SORCS2: variants seen among roughly 807,000 people sequenced by gnomAD.
SORCS2 encodes the protein VPS10 domain-containing receptor SorCS2.
In SORCS2, 100 loss-of-function variants were observed where a neutral mutation model predicts 141.6. That is an observed-to-expected ratio of 0.71 (90% confidence interval 0.60 to 0.83). The LOEUF (loss-of-function observed/expected upper bound fraction) is 0.83, where lower values mean the gene tolerates loss of function less well. Among genes scored for constraint, SORCS2 ranks in the 40% least tolerant of loss-of-function variants. SORCS2 has a pLI of 0.00. For missense variants in SORCS2, 1,646 were observed against 1,560.2 expected (o/e 1.05, Z -0.93); for synonymous variants, 789 against 676.9 (o/e 1.17, Z -2.57).
chr4:7,392,749 C>T (rs946814907), intron 1 of SORCS2, among the ~76,000 whole-genome samples: 1 of 151,906 alleles, frequency 6.6e-6, no homozygotes, highest in African/African-American at 2.4e-5. Context: ...GGGGGGAGGG[C>T]AGCAATGAAG....
At position 7,723,860 on chromosome 4, in the gene SORCS2, C is replaced by T. The variant is rs370833021; in HGVS notation, c.2588C>T (p.Ala863Val). Residue 863 changes from alanine (A) to valine (V), a missense_variant, in exon 19 of 27, where the codon GCG becomes GTG. Coordinates refer to ENST00000507866, the MANE Select transcript of SORCS2 (RefSeq NM_020777.3). The stretch of plus-strand genomic sequence containing the variant: ...GAGAACACGGCAGGCCACGATGAGG[C>T]GGTGCTCTTTGTCCAGGTCAACTGT... ...RAENTAGHDEAVLFVQVNSPL... is the reference protein window; with the variant it reads ...RAENTAGHDEVVLFVQVNSPL... The T allele has an allele frequency of 2.4e-5, 38 of 1,609,438 alleles. No homozygotes were observed. Among genetic ancestry groups the T allele is most frequent in the East Asian group, 6.7e-5 (3 of 44,886 alleles).
intron 2 of SORCS2, among the ~76,000 whole-genome samples, chr4:7,403,974 TATATATATATATATATATATATA>T (rs1336005647): frequency 2.0e-4 from 1 of 5,016 alleles, no homozygotes; most frequent in Non-Finnish European, 8.2e-4. Context: ...TATATATATA[TATATATATATATATATATATATA>T]TTTTTTTTTT....
chr4:7,686,927 C>G (rs1723916246), intron 10 of SORCS2, among the ~76,000 whole-genome samples: 1 of 152,246 alleles, frequency 6.6e-6, no homozygotes, highest in Non-Finnish European at 1.5e-5. Flanking sequence ...CTGGCCACCC[C>G]ACAGGGAACC....
At chr4:7,414,489 T>G (rs1725533691) in intron 2 of SORCS2, among the ~76,000 whole-genome samples, 1 of 152,258 alleles carries the variant, frequency 6.6e-6, no homozygotes, top group East Asian at 1.9e-4. Flanking sequence ...CACCACACTT[T>G]GAGATGAATT....
At chr4:7,290,896 C>CTGGG (rs202125103) in intron 1 of SORCS2, among the ~76,000 whole-genome samples, 3,034 of 152,264 alleles carry the variant, frequency 0.02, 76 homozygotes, top group Admixed American at 0.075. Context: ...GACATAGTCC[C>CTGGG]TGGCTGGCTG....
chr4:7,639,666 A>G (rs1720514959), intron 4 of SORCS2, among the ~76,000 whole-genome samples: 1 of 143,492 alleles, frequency 7.0e-6, no homozygotes, highest in South Asian at 2.2e-4. Context: ...AGTGTGTGCA[A>G]ATGTGTGTGA....
At chr4:7,470,648 G>T (rs953559022) in intron 2 of SORCS2, among the ~76,000 whole-genome samples, 1 of 150,598 alleles carries the variant, frequency 6.6e-6, no homozygotes, top group Non-Finnish European at 1.5e-5. Flanking sequence ...AGAGACACAG[G>T]TGATGATCTG....
chr4:7,418,598 C>G (rs1434507214), intron 2 of SORCS2, among the ~76,000 whole-genome samples: 6 of 152,094 alleles, frequency 3.9e-5, no homozygotes, highest in African/African-American at 1.4e-4. Context: ...CTCAAAAAGT[C>G]TAGCTCAGAA....
chr4:7,516,037 C>A (rs1732958010), intron 2 of SORCS2, among the ~76,000 whole-genome samples: 1 of 152,178 alleles, frequency 6.6e-6, no homozygotes, highest in Admixed American at 6.5e-5. Flanking sequence ...TTAGCAGTAC[C>A]CGTGATGGTG....
intron 2 of SORCS2, among the ~76,000 whole-genome samples, chr4:7,498,825 A>G (rs985504070): frequency 6.6e-6 from 1 of 152,222 alleles, no homozygotes; most frequent in East Asian, 1.9e-4. Context: ...GCGGGTGTCC[A>G]TGGGAGTGCA....
intron 21 of SORCS2, 101 bp downstream of exon 21, chr4:7,727,004 C>T (rs1157794499): frequency 1.4e-6 from 2 of 1,409,078 alleles, no homozygotes; most frequent in Admixed American, 4.6e-5. Context: ...GTCCTGGTCA[C>T]CCTGAGTGGC....
chr4:7,649,880 C>A (rs77357512), intron 4 of SORCS2, among the ~76,000 whole-genome samples: 1 of 152,062 alleles, frequency 6.6e-6, no homozygotes, highest in Non-Finnish European at 1.5e-5. Flanking sequence ...AGGTGGTGCC[C>A]GTGACAAGGA....
intron 14 of SORCS2, 118 bp from the exon 15 acceptor site, chr4:7,712,615 A>G (rs2109035742): frequency 2.1e-6 from 3 of 1,426,860 alleles, no homozygotes; most frequent in Non-Finnish European, 2.9e-6. Context: ...GGGCAGGAGA[A>G]GGATATCTGT....
At chr4:7,369,453 C>A (rs943430472) in intron 1 of SORCS2, among the ~76,000 whole-genome samples, 22 of 152,212 alleles carry the variant, frequency 1.4e-4, no homozygotes, top group African/African-American at 5.1e-4. Flanking sequence ...AAGTACATAT[C>A]AATTCCCTGC....
At chr4:7,504,279 C>T (rs1476425547) in intron 2 of SORCS2, among the ~76,000 whole-genome samples, 1 of 152,160 alleles carries the variant, frequency 6.6e-6, no homozygotes, top group African/African-American at 2.4e-5. Flanking sequence ...ACTCAAATGC[C>T]TTTGCCTGGA....
intron 13 of SORCS2, among the ~76,000 whole-genome samples, chr4:7,703,580 C>T (rs959329207): frequency 1.3e-5 from 2 of 152,182 alleles, no homozygotes; most frequent in African/African-American, 2.4e-5. Context: ...GTCTTGCCAT[C>T]GGGAGACAGG....
chr4:7,543,784 TCATCCATCCATCCATC>T (rs771822077), intron 3 of SORCS2, among the ~76,000 whole-genome samples: 1 of 13,600 alleles, frequency 7.4e-5, no homozygotes, highest in Non-Finnish European at 1.6e-4. Context: ...ATCCATCCAC[TCATCCATCCATCCATC>T]CATCCATCCA....
chr4:7,388,062 A>C (rs1723582981), intron 1 of SORCS2, among the ~76,000 whole-genome samples: 1 of 151,800 alleles, frequency 6.6e-6, no homozygotes, highest in Non-Finnish European at 1.5e-5. Context: ...ACACACATAC[A>C]GTTACACAGA....
rs1216830933 is a variant in SORCS2, at chr4:7,408,448, C to T, written c.548+12093C>T. 2.6e-5 allele frequency among the ~76,000 whole-genome samples: 4 copies of T among 151,412 alleles called. No homozygotes were observed. In the East Asian group the frequency reaches 5.8e-4, roughly 22 times the overall value. ...CACTCCTTCCTGGCCTGTATGATTTCCTTTGAGAAGTCTGTTGCCGGATGA... is the reference window on the plus strand; with the variant it reads ...CACTCCTTCCTGGCCTGTATGATTTTCTTTGAGAAGTCTGTTGCCGGATGA... On this transcript the variant is annotated intron_variant, in intron 2 of 26. Transcript: ENST00000507866.
Sources: allele counts gnomAD v4.1 joint callset (sites outside exome capture counted in the v4.1 genomes callset), GRCh38; gene constraint gnomAD v4.1.1; transcripts MANE v1.5; gene names NCBI Gene and HGNC (gene_info 2026-07-23, HGNC 2026-07-21).